The following THSD4 variants were observed in gnomAD, a reference collection of about 807,000 sequenced individuals.
THSD4 encodes the protein thrombospondin type 1 domain containing 4, also known as thrombospondin type-1 domain-containing protein 4.
Under a neutral mutation model 119.0 loss-of-function variants are expected in THSD4, and 69 were observed. The observed-to-expected ratio is 0.58, with a 90% CI of 0.48 to 0.71. The LOEUF (loss-of-function observed/expected upper bound fraction) is 0.71, where lower values mean the gene tolerates loss of function less well. Ranked by LOEUF, THSD4 falls within the 30% of genes least tolerant of loss-of-function variation. The pLI is 0.00. For missense variants in THSD4, 1,393 were observed against 1,391.1 expected, an observed-to-expected ratio of 1.00 and a Z score of -0.02; for synonymous variants, 524 against 540.4, an observed-to-expected ratio of 0.97 and a Z score of 0.42.
At chr15:71,485,838 CAT>C (rs2047807611) in intron 7 of THSD4, among the ~76,000 whole-genome samples, 2 of 152,112 alleles carry the variant, frequency 1.3e-5, no homozygotes, top group Non-Finnish European at 2.9e-5. Flanking sequence ...TTTTTGTGGT[CAT>C]ACTTAGTTAT....
intron 1 of THSD4, among the ~76,000 whole-genome samples, chr15:71,129,943 G>A (rs895993502): frequency 2.0e-5 from 3 of 152,324 alleles, no homozygotes; most frequent in East Asian, 1.9e-4. Flanking sequence ...TATGGTGGCC[G>A]AGGCACACTG....
intron 7 of THSD4, among the ~76,000 whole-genome samples, chr15:71,538,928 C>T (rs2048722542): frequency 6.6e-6 from 1 of 152,178 alleles, no homozygotes; most frequent in Non-Finnish European, 1.5e-5. Flanking sequence ...ACTTTAAATC[C>T]CTGAGCCCAG....
chr15:71,629,155 G>A (rs926729628), intron 7 of THSD4, among the ~76,000 whole-genome samples: 2 of 152,288 alleles, frequency 1.3e-5, no homozygotes. Context: ...AATAAACAAT[G>A]TAGTGGAACG....
intron 7 of THSD4, among the ~76,000 whole-genome samples, chr15:71,642,080 A>T (rs948937615): frequency 1.3e-5 from 2 of 152,198 alleles, no homozygotes; most frequent in Non-Finnish European, 2.9e-5. Flanking sequence ...GATTTATTAC[A>T]AGTCAGGATC....
chr15:71,538,484 T>C (rs547489919), intron 7 of THSD4, among the ~76,000 whole-genome samples: 1 of 152,378 alleles, frequency 6.6e-6, no homozygotes, highest in African/African-American at 2.4e-5. Flanking sequence ...CTTCGTGCTA[T>C]GTTTTAGTAT....
chr15:71,473,495 TCTACCAGGCAAC>T (rs1406125378), intron 7 of THSD4, among the ~76,000 whole-genome samples: 4 of 152,220 alleles, frequency 2.6e-5, no homozygotes, highest in Non-Finnish European at 4.4e-5. Context: ...AGCCTTCAAA[TCTACCAGGCAAC>T]CTATTGGTAA....
chr15:71,099,822 G>A (rs1007767400), intron 1 of THSD4, among the ~76,000 whole-genome samples: 5 of 152,038 alleles, frequency 3.3e-5, no homozygotes, highest in Non-Finnish European at 4.4e-5. Flanking sequence ...AAAATTAGCC[G>A]GTCGTGGTGG....
At chr15:71,362,487 TAA>T (rs1207865139) in intron 6 of THSD4, among the ~76,000 whole-genome samples, 1 of 152,216 alleles carries the variant, frequency 6.6e-6, no homozygotes. Context: ...GGATTGCCTT[TAA>T]TTTTATAGTC....
Position 71,633,495 on chromosome 15 carries a change from G to A in THSD4, c.1153-27035G>A, listed in dbSNP as rs145502664. Reference sequence around the variant, plus strand: ...TTGCCATGTTGCTTGGGCTGGTCTCGAACTTCTGGGCTCAAACGATCCACC... The same window carrying A: ...TTGCCATGTTGCTTGGGCTGGTCTCAAACTTCTGGGCTCAAACGATCCACC... On this transcript the variant is annotated intron_variant, in intron 7 of 17. Coordinates refer to ENST00000261862, the MANE Select transcript of THSD4 (RefSeq NM_024817.3). Among the ~76,000 whole-genome samples the A allele has an allele frequency of 9.3e-4, 142 of 152,086 alleles. 1 individual carries two copies. The Middle Eastern group carries it at 0.01, about 11-fold the overall frequency.
intron 7 of THSD4, among the ~76,000 whole-genome samples, chr15:71,453,239 G>A (rs1442051150): frequency 6.6e-6 from 1 of 152,182 alleles, no homozygotes; most frequent in Non-Finnish European, 1.5e-5. Context: ...CCTGTGGCAA[G>A]ACATTGCCTC....
At chr15:71,121,596 A>C (rs999051871) in intron 1 of THSD4, among the ~76,000 whole-genome samples, 4 of 151,622 alleles carry the variant, frequency 2.6e-5, no homozygotes, top group East Asian at 1.9e-4. Context: ...TGATGACATT[A>C]CCCTGCCCCT....
chr15:71,683,776 A>G (rs745503327), intron 8 of THSD4, among the ~76,000 whole-genome samples: 4 of 152,144 alleles, frequency 2.6e-5, no homozygotes, highest in Non-Finnish European at 5.9e-5. Context: ...GGAGTTTGAG[A>G]ACAACCTGGC....
intron 6 of THSD4, among the ~76,000 whole-genome samples, chr15:71,292,946 G>A (rs1219546171): frequency 4.6e-5 from 7 of 152,160 alleles, no homozygotes; most frequent in Admixed American, 6.5e-5. Context: ...AAAGTGCTGG[G>A]ATTACGGGCA....
chr15:71,459,186 T>C (rs1366012201), intron 7 of THSD4, among the ~76,000 whole-genome samples: 1 of 144,182 alleles, frequency 6.9e-6, no homozygotes, highest in East Asian at 2.0e-4. Flanking sequence ...TTTGACAGAG[T>C]CTCCCTCTGT....
At chr15:71,762,150 AACACACACACAC>A (rs72267245) in intron 15 of THSD4, among the ~76,000 whole-genome samples, 2 of 112,204 alleles carry the variant, frequency 1.8e-5, no homozygotes, top group Admixed American at 1.1e-4. Context: ...CGCGTGTGCA[AACACACACACAC>A]ACACACACAC....
chr15:71,509,120 A>G (rs923942334), intron 7 of THSD4, among the ~76,000 whole-genome samples: 1 of 152,148 alleles, frequency 6.6e-6, no homozygotes, highest in Non-Finnish European at 1.5e-5. Flanking sequence ...ATATGAGGAC[A>G]TGATCCCCTT....
Position 71,689,479 on chromosome 15 carries a change from G to A in THSD4, c.1357+28745G>A, listed in dbSNP as rs1595865834. Among the ~76,000 whole-genome samples, 4 of 152,304 alleles carry A rather than the reference G, an allele frequency of 2.6e-5. 1 individual carries two copies. Among genetic ancestry groups the A allele is most frequent in the Non-Finnish European group, 1.5e-5 (1 of 68,010 alleles). ...GGTAGAGAGGATGAAAGGAGATCAT[G>A]TTGTATAAAGCTGCCTCCATATACA... On this transcript the variant is annotated intron_variant, in intron 8 of 17. Transcript: ENST00000261862.
chr15:71,356,579 G>A (rs1172353031), intron 6 of THSD4, among the ~76,000 whole-genome samples: 1 of 152,142 alleles, frequency 6.6e-6, no homozygotes, highest in Non-Finnish European at 1.5e-5. Flanking sequence ...GGAAGGAAAG[G>A]GAGAAAAGGA....
Position 71,136,509 on chromosome 15 carries a change from T to C in THSD4, c.-79-4940T>C, listed in dbSNP as rs538099954. ...GTTCTGAGAACGTGTCCTCACCACA[T>C]GTGACTGGGTGCTGGATTTGGGGTC... On this transcript the variant is annotated intron_variant, in intron 1 of 17. Coordinates refer to ENST00000261862, the MANE Select transcript of THSD4 (RefSeq NM_024817.3). Among the ~76,000 whole-genome samples the C allele has an allele frequency of 3.3e-5, 5 of 152,310 alleles. No individual in the cohort carries two copies. The East Asian group carries it at 9.7e-4, about 29-fold the overall frequency.
Sources: gnomAD v4.1 joint callset for allele counts (sites outside exome capture counted in the v4.1 genomes callset) on GRCh38, gnomAD v4.1.1 for gene constraint, MANE v1.5 for transcripts, NCBI Gene and HGNC (gene_info 2026-07-23, HGNC 2026-07-21) for gene names.